Variants in CAMK2D observed in about 807,000 individuals in gnomAD.
The protein encoded by CAMK2D is calcium/calmodulin-dependent protein kinase type II subunit delta.
Under a neutral mutation model 84.0 loss-of-function variants are expected in CAMK2D, and 37 were observed. The ratio of observed to expected loss-of-function variants is 0.44; its 90% CI spans 0.34 to 0.58. The LOEUF (loss-of-function observed/expected upper bound fraction) is 0.58, where lower values mean the gene tolerates loss of function less well. CAMK2D is among the 20% of genes least tolerant of loss of function. The pLI is 0.02. For synonymous variants in CAMK2D, 202 were observed against 212.5 expected, an observed-to-expected ratio of 0.95 and a Z score of 0.43; for missense variants, 448 against 652.5, an observed-to-expected ratio of 0.69 and a Z score of 3.41.
intron 4 of CAMK2D, among the ~76,000 whole-genome samples, chr4:113,603,301 T>C (rs1391449313): frequency 4.6e-5 from 7 of 151,390 alleles, no homozygotes. Flanking sequence ...CATGTTGGTG[T>C]GCTGCACCCA....
chr4:113,616,283 A>G (rs1218449454), intron 3 of CAMK2D, among the ~76,000 whole-genome samples: 1 of 152,160 alleles, frequency 6.6e-6, no homozygotes, highest in Non-Finnish European at 1.5e-5. Context: ...GTACACAAAG[A>G]AAGTTACTGG....
In CAMK2D at chr4:113,457,390, C is replaced by T. The variant is rs1325999107; in HGVS notation, c.1480G>A (p.Gly494Arg). ...TGAAAATGAACATTCTGCCACTTTC[C>T]ATCCCGGCGGTGCCACACACGAGTC... ...EETRVWHRRD[G>R]KWQNVHFHRS... The change falls in exon 19 of 21, where the codon GGA becomes AGA. Residue 494 changes from glycine to arginine, a missense_variant. Gly to Arg is a moderately radical substitution (Grantham distance 125, BLOSUM62 -2). Coordinates refer to ENST00000511664, the MANE Select transcript of CAMK2D (RefSeq NM_001321571.2). 6.2e-7 allele frequency: 1 copy of T among 1,613,808 alleles called. No individual in the cohort carries two copies. Among genetic ancestry groups the T allele is most frequent in the Non-Finnish European group, 8.5e-7 (1 of 1,179,780 alleles).
intron 2 of CAMK2D, among the ~76,000 whole-genome samples, chr4:113,741,032 G>C (rs1406270177): frequency 1.3e-5 from 2 of 152,096 alleles, no homozygotes; most frequent in African/African-American, 2.4e-5. Context: ...TTGTCCAGTG[G>C]ATCCACATTG....
intron 3 of CAMK2D, among the ~76,000 whole-genome samples, chr4:113,631,625 C>A (rs2099090081): frequency 6.6e-6 from 1 of 152,124 alleles, no homozygotes. Context: ...TGACCCAGAC[C>A]AAAACCAAAA....
intron 2 of CAMK2D, chr4:113,677,615 A>C: frequency 1.2e-6 from 1 of 812,378 alleles, no homozygotes; most frequent in Non-Finnish European, 1.5e-6. Flanking sequence ...CCATCTAAAT[A>C]AGAAGGCCCA....
chr4:113,522,982 G>A (rs1263090333), intron 8 of CAMK2D, among the ~76,000 whole-genome samples: 1 of 152,104 alleles, frequency 6.6e-6, no homozygotes, highest in East Asian at 1.9e-4. Context: ...GGTCCCTCAT[G>A]AACAGGAACA....
At chr4:113,597,428 T>C (rs1318267269) in intron 4 of CAMK2D, among the ~76,000 whole-genome samples, 1 of 152,222 alleles carries the variant, frequency 6.6e-6, no homozygotes, top group African/African-American at 2.4e-5. Context: ...ATGGCTTCCT[T>C]CCTTAAACCT....
At chr4:113,707,685 A>G (rs1978138) in intron 2 of CAMK2D, among the ~76,000 whole-genome samples, 80,233 of 152,018 alleles carry the variant, frequency 0.53, 21,785 homozygotes, top group African/African-American at 0.62. Flanking sequence ...GAACTATTAA[A>G]TATTATTGAA....
At chr4:113,667,474 T>C (rs1228479209) in intron 2 of CAMK2D, among the ~76,000 whole-genome samples, 1 of 152,222 alleles carries the variant, frequency 6.6e-6, no homozygotes, top group East Asian at 1.9e-4. Flanking sequence ...AGCACTATAA[T>C]GTAGCTACTC....
chr4:113,601,975 G>A (rs1435408591), intron 4 of CAMK2D, among the ~76,000 whole-genome samples: 2 of 152,048 alleles, frequency 1.3e-5, no homozygotes, highest in Non-Finnish European at 2.9e-5. Context: ...GTGATTAGAG[G>A]TGTGGACCAC....
chr4:113,696,888 C>A (rs2099404405), intron 2 of CAMK2D, among the ~76,000 whole-genome samples: 1 of 141,824 alleles, frequency 7.1e-6, no homozygotes, highest in Non-Finnish European at 1.5e-5. Context: ...ATGTTCATAT[C>A]CCCTGCATCT....
At chr4:113,487,255 T>C (rs1245327174) in intron 16 of CAMK2D, among the ~76,000 whole-genome samples, 2 of 152,114 alleles carry the variant, frequency 1.3e-5, no homozygotes, top group African/African-American at 2.4e-5. Flanking sequence ...TTAGACCTAA[T>C]TCCTCCTGAC....
At chr4:113,507,877 C>T (rs2154157767) in intron 13 of CAMK2D, among the ~76,000 whole-genome samples, 1 of 152,030 alleles carries the variant, frequency 6.6e-6, no homozygotes, top group East Asian at 1.9e-4. Context: ...TCCTATAAAT[C>T]ACTCCTATTT....
At chr4:113,520,578 A>G (rs974046363) in intron 8 of CAMK2D, among the ~76,000 whole-genome samples, 5 of 151,584 alleles carry the variant, frequency 3.3e-5, no homozygotes, top group Non-Finnish European at 7.4e-5. Flanking sequence ...TTCTTTGCCC[A>G]TATACCTAAA....
At chr4:113,587,600 A>C (rs2098839833) in intron 4 of CAMK2D, among the ~76,000 whole-genome samples, 1 of 152,172 alleles carries the variant, frequency 6.6e-6, no homozygotes, top group Admixed American at 6.6e-5. Flanking sequence ...TTGCTTTGAG[A>C]AATAGTTTCA....
chr4:113,581,921 T>C (rs1478662239), intron 4 of CAMK2D, among the ~76,000 whole-genome samples: 3 of 152,158 alleles, frequency 2.0e-5, no homozygotes, highest in East Asian at 1.9e-4. Flanking sequence ...AACTAGAATA[T>C]CATCAAGGTA....
At chr4:113,479,200 T>C (rs991534437) in intron 16 of CAMK2D, among the ~76,000 whole-genome samples, 2 of 152,238 alleles carry the variant, frequency 1.3e-5, no homozygotes, top group Non-Finnish European at 2.9e-5. Context: ...TCTTGAGATA[T>C]TTTGCTTGAG....
At chr4:113,505,618 G>A (rs914032873) in intron 13 of CAMK2D, among the ~76,000 whole-genome samples, 25 of 151,610 alleles carry the variant, frequency 1.6e-4, no homozygotes, top group Non-Finnish European at 5.9e-5. Flanking sequence ...TATTAGTGGG[G>A]AAATCAAACT....
chr4:113,587,139 A>C (rs2098837767), intron 4 of CAMK2D, among the ~76,000 whole-genome samples: 1 of 152,168 alleles, frequency 6.6e-6, no homozygotes, highest in African/African-American at 2.4e-5. Flanking sequence ...ACCTTAGGTA[A>C]AGCAAATAAA....
Sources: gnomAD v4.1 joint callset for allele counts (sites outside exome capture counted in the v4.1 genomes callset) on GRCh38, gnomAD v4.1.1 for gene constraint, MANE v1.5 for transcripts, NCBI Gene and HGNC (gene_info 2026-07-23, HGNC 2026-07-21) for gene names.